The following CWH43 variants were observed in gnomAD, a reference collection of about 807,000 sequenced individuals.
CWH43 encodes the protein cell wall biogenesis 43 C-terminal homolog.
A neutral mutation model predicts 85.7 loss-of-function variants in CWH43; 91 were observed. That is an observed-to-expected ratio of 1.06 (90% confidence interval 0.90 to 1.26). CWH43 has a LOEUF of 1.26. Among genes scored for constraint, CWH43 ranks in the 50% most tolerant of loss-of-function variants. The pLI, the probability that CWH43 is intolerant of heterozygous loss-of-function variation, is 0.00. For synonymous variants in CWH43, 323 were observed against 293.6 expected (o/e 1.10, Z -1.02); for missense variants, 869 against 839.2 (o/e 1.04, Z -0.44).
At chr4:49,010,495 A>G (rs1033608289) in intron 8 of CWH43, among the ~76,000 whole-genome samples, 1 of 151,896 alleles carries the variant, frequency 6.6e-6, no homozygotes, top group Non-Finnish European at 1.5e-5. Context: ...CTCTGATCTT[A>G]GTTATTTCTT....
chr4:49,030,822 C>A lies in CWH43; in HGVS notation c.1373-3C>A. 6.4e-7 allele frequency: 1 copy of A among 1,553,616 alleles called. No homozygotes were observed. Among genetic ancestry groups the A allele is most frequent in the Non-Finnish European group, 8.6e-7 (1 of 1,157,592 alleles). On this transcript the variant is annotated splice_polypyrimidine_tract_variant and splice_region_variant and intron_variant, in intron 10 of 15. Transcript: ENST00000226432. ...TGTATGCTACTTTTTTTTTTCTGAA[C>A]AGGTGCAGATTTCATAACAATTTTG...
Position 49,030,999 on chromosome 4 carries a change from G to A in CWH43, c.1508+39G>A, listed in dbSNP as rs781398355. On this transcript the variant is annotated intron_variant, in intron 11 of 15. Coordinates refer to ENST00000226432, the MANE Select transcript of CWH43 (RefSeq NM_025087.3). The stretch of plus-strand genomic sequence containing the variant: ...GGGAGTTAATCCCGAAGATAGTCAT[G>A]AAAGGCTAGGCTGCATAGGCTTGGA... The A allele has an allele frequency of 2.9e-5, 45 of 1,535,138 alleles. 1 individual carries two copies. In the South Asian group the frequency reaches 5.9e-4, roughly 20 times the overall value.
At chr4:49,007,595 A>G (rs1475088042) in intron 8 of CWH43, among the ~76,000 whole-genome samples, 2 of 152,128 alleles carry the variant, frequency 1.3e-5, no homozygotes, top group African/African-American at 4.8e-5. Context: ...CATTTACATT[A>G]GGTATTCCTC....
At position 49,044,840 on chromosome 4, in the gene CWH43, C is replaced by T. The variant is rs375491077; in HGVS notation, c.1858C>T (p.Leu620=). 1.6e-4 allele frequency: 250 copies of T among 1,612,272 alleles called. 1 individual carries two copies. The South Asian group carries it at 1.7e-3, about 11-fold the overall frequency. The change falls in exon 14 of 16, where the codon CTG becomes TTG. Residue 620 remains leucine, a synonymous_variant. Transcript: ENST00000226432. The part of the protein sequence containing the change: ...RWCEYIMYRG[L]IRLGYARISH... ...GTGTGAATACATTATGTATCGAGGG[C>T]TGATCAGGTGAGCACAGGGGTTTGA... is the stretch of plus-strand genomic sequence containing the variant.
At chr4:49,008,322 T>A in intron 8 of CWH43, among the ~76,000 whole-genome samples, 1 of 147,698 alleles carries the variant, frequency 6.8e-6, no homozygotes. Context: ...TGGAGTCGTT[T>A]GTTTTTTTTT....
chr4:49,033,814 G>A (rs1461308800), intron 12 of CWH43, among the ~76,000 whole-genome samples: 1 of 152,146 alleles, frequency 6.6e-6, no homozygotes, highest in Non-Finnish European at 1.5e-5. Flanking sequence ...AATATAAAGA[G>A]CTATGTGCTA....
intron 9 of CWH43, among the ~76,000 whole-genome samples, chr4:49,026,989 A>G (rs780344263): frequency 2.0e-5 from 3 of 152,222 alleles, no homozygotes; most frequent in Non-Finnish European, 4.4e-5. Context: ...GATTGTACCA[A>G]TTTACATTCT....
At chr4:49,014,290 A>G (rs180916017) in intron 8 of CWH43, among the ~76,000 whole-genome samples, 1 of 151,964 alleles carries the variant, frequency 6.6e-6, no homozygotes, top group South Asian at 2.1e-4. Flanking sequence ...CCATCTCTAC[A>G]AAAAATTTAA....
intron 6 of CWH43, among the ~76,000 whole-genome samples, chr4:49,000,451 T>G (rs1782955900): frequency 6.6e-6 from 1 of 152,200 alleles, no homozygotes. Context: ...AAGAGTAATC[T>G]TTCTTCTCAT....
At chr4:49,043,611 A>G (rs1784534099) in intron 13 of CWH43, among the ~76,000 whole-genome samples, 1 of 152,212 alleles carries the variant, frequency 6.6e-6, no homozygotes, top group African/African-American at 2.4e-5. Flanking sequence ...TCTCTTAAAG[A>G]AATGAGTATT....
rs374186345 is a variant in CWH43 at position 49,031,952 on chromosome 4, G to GT, written c.1509-613dup. 3.2e-3 allele frequency among the ~76,000 whole-genome samples: 491 copies of GT among 152,334 alleles called. 3 individuals carry two copies. The highest frequency in any genetic ancestry group is 0.011 in the African/African-American group (477 of 41,568). ...CCCCAAGACAGTCAAGTCATGCCCA[G>GT]TAGGCAGTTGGGTATGGCCTGGAGG... On this transcript the variant is annotated intron_variant, in intron 11 of 15. Transcript: ENST00000226432.
intron 5 of CWH43, among the ~76,000 whole-genome samples, chr4:48,997,299 T>C: frequency 6.6e-6 from 1 of 150,446 alleles, no homozygotes; most frequent in East Asian, 2.0e-4. Flanking sequence ...CCTCAAACAA[T>C]CCTCCCACCT....
intron 15 of CWH43, among the ~76,000 whole-genome samples, chr4:49,052,646 C>A (rs941830949): frequency 6.6e-5 from 10 of 152,064 alleles, no homozygotes; most frequent in Admixed American, 6.6e-4. Flanking sequence ...TTTTGGCTAA[C>A]CACAACTGCA....
chr4:49,053,974 T>C (rs1336543838), intron 15 of CWH43, among the ~76,000 whole-genome samples: 1 of 152,190 alleles, frequency 6.6e-6, no homozygotes. Flanking sequence ...GTCTCTTCAG[T>C]CTGTTGATTG....
intron 15 of CWH43, among the ~76,000 whole-genome samples, chr4:49,056,176 T>A (rs1784951362): frequency 6.7e-6 from 1 of 150,214 alleles, no homozygotes; most frequent in African/African-American, 2.5e-5. Context: ...TTTGGTTTTT[T>A]GTTCTTGCGA....
At chr4:49,042,230 G>A (rs144811200) in intron 13 of CWH43, among the ~76,000 whole-genome samples, 7 of 152,176 alleles carry the variant, frequency 4.6e-5, no homozygotes, top group East Asian at 1.9e-4. Context: ...CTGTGGACCC[G>A]GGTTCCTCAC....
At position 49,032,462 on chromosome 4, in the gene CWH43, T is replaced by C. The variant is rs1784126493; in HGVS notation, c.1509-104T>C. The C allele has an allele frequency of 2.4e-6, 3 of 1,266,108 alleles. No individual in the cohort carries two copies. The Admixed American group carries it at 5.4e-5, about 23-fold the overall frequency. 78.4% of individuals were successfully genotyped at this position (1,266,108 alleles called of 1,614,324 possible). A position where few individuals can be genotyped will look rare whatever the true frequency, so the allele number is the denominator to read the frequency against. On this transcript the variant is annotated intron_variant, in intron 11 of 15. Transcript: ENST00000226432. ...TTGCTTTGAATGTCCCTTGGTGGGA[T>C]GTGTGCAGTGGGACACATCCCTTTT...
rs1316749889 is a variant in CWH43, at chr4:48,992,163, A to G, written c.511+73A>G. 7.8e-7 allele frequency: 1 copy of G among 1,282,532 alleles called. No individual in the cohort carries two copies. Among genetic ancestry groups the G allele is most frequent in the Non-Finnish European group, 1.1e-6 (1 of 912,262 alleles). The allele number at this position is 1,282,532 out of a possible 1,614,324, so 79.4% of individuals were successfully genotyped here. A position where few individuals can be genotyped will look rare whatever the true frequency, so the allele number is the denominator to read the frequency against. Reference sequence around the variant, plus strand: ...TATGTGAATGTTGCACATCTTGGAAAGAAAATCTATAAAAGTAGTCTTTCT... The same window carrying G: ...TATGTGAATGTTGCACATCTTGGAAGGAAAATCTATAAAAGTAGTCTTTCT... On this transcript the variant is annotated intron_variant, in intron 4 of 15. Coordinates refer to ENST00000226432, the MANE Select transcript of CWH43 (RefSeq NM_025087.3). The surrounding 1 kb of genome is among the most constrained non-coding windows in gnomAD (Gnocchi z 4.3).
intron 9 of CWH43, among the ~76,000 whole-genome samples, chr4:49,023,443 C>G (rs770361312): frequency 6.6e-6 from 1 of 152,146 alleles, no homozygotes; most frequent in Non-Finnish European, 1.5e-5. Flanking sequence ...GGCACAATCT[C>G]GGCTCACTGC....
Sources: allele counts gnomAD v4.1 joint callset (sites outside exome capture counted in the v4.1 genomes callset), GRCh38; gene constraint gnomAD v4.1.1; non-coding constraint Gnocchi (gnomAD v3.1); transcripts MANE v1.5; gene names NCBI Gene and HGNC (gene_info 2026-07-23, HGNC 2026-07-21).